The following GPC5 variants were observed in gnomAD, a reference collection of about 807,000 sequenced individuals.
The protein encoded by GPC5 is glypican 5.
A neutral mutation model predicts 53.9 loss-of-function variants in GPC5; 47 were observed. The observed-to-expected ratio is 0.87, with a 90% CI of 0.69 to 1.11. The LOEUF (loss-of-function observed/expected upper bound fraction) is 1.11. Among genes scored for constraint, GPC5 ranks in the 50% most tolerant of loss-of-function variants. The pLI is 0.00. For synonymous variants in GPC5, 286 were observed against 263.3 expected (o/e 1.09, Z -0.84); for missense variants, 748 against 713.1 (o/e 1.05, Z -0.56).
At chr13:91,709,059 T>A (rs1435672043) in intron 3 of GPC5, among the ~76,000 whole-genome samples, 2 of 152,194 alleles carry the variant, frequency 1.3e-5, no homozygotes, top group African/African-American at 4.8e-5. Context: ...AGTAAGAGGA[T>A]AATCTCAAAC....
chr13:92,034,713 T>C (rs1413303792), intron 6 of GPC5, among the ~76,000 whole-genome samples: 1 of 152,148 alleles, frequency 6.6e-6, no homozygotes. Flanking sequence ...GCATATTTTA[T>C]TGATGATGAG....
chr13:91,883,756 G>A (rs1411561286), intron 5 of GPC5, among the ~76,000 whole-genome samples: 6 of 152,086 alleles, frequency 3.9e-5, no homozygotes, highest in Non-Finnish European at 8.8e-5. Flanking sequence ...AACTGGCATG[G>A]GACCATTGAA....
chr13:91,634,458 T>C (rs547864366), intron 2 of GPC5, among the ~76,000 whole-genome samples: 2 of 152,048 alleles, frequency 1.3e-5, no homozygotes, highest in African/African-American at 4.8e-5. Flanking sequence ...ATAATCTTGA[T>C]GTAAGTTGAG....
rs1041714579 is a variant in GPC5, at chr13:91,730,978, C to T, written c.1154+2313C>T. Reference sequence around the variant, plus strand: ...AGAGGCACAAATATGTCTACTAAGACATTTGGGTGATGTGATCCATATTTT... The same window carrying T: ...AGAGGCACAAATATGTCTACTAAGATATTTGGGTGATGTGATCCATATTTT... On this transcript the variant is annotated intron_variant, in intron 4 of 7. Coordinates refer to ENST00000377067, the MANE Select transcript of GPC5 (RefSeq NM_004466.6). Among the ~76,000 whole-genome samples the T allele has an allele frequency of 2.6e-5, 4 of 152,272 alleles. No homozygotes were observed. The East Asian group carries it at 7.7e-4, about 29-fold the overall frequency.
At chr13:92,783,655 T>G (rs897015429) in intron 7 of GPC5, among the ~76,000 whole-genome samples, 1 of 152,154 alleles carries the variant, frequency 6.6e-6, no homozygotes, top group East Asian at 1.9e-4. Context: ...ACAAAGGAGC[T>G]CTAGGCCAAA....
At chr13:92,231,180 G>T (rs2042527278) in intron 7 of GPC5, among the ~76,000 whole-genome samples, 1 of 152,132 alleles carries the variant, frequency 6.6e-6, no homozygotes, top group Non-Finnish European at 1.5e-5. Flanking sequence ...TCAGTATATG[G>T]TAGCTGCCAC....
chr13:92,753,210 AC>A (rs900162285), intron 7 of GPC5, among the ~76,000 whole-genome samples: 22 of 151,978 alleles, frequency 1.4e-4, no homozygotes, highest in African/African-American at 4.6e-4. Context: ...ACTGGGAGGC[AC>A]CCCCCAGCAG....
intron 7 of GPC5, among the ~76,000 whole-genome samples, chr13:92,202,913 A>T (rs182775165): frequency 6.6e-6 from 1 of 152,178 alleles, no homozygotes; most frequent in African/African-American, 2.4e-5. Context: ...CAACTTTTCA[A>T]GAGAACTTAT....
At chr13:91,834,992 A>C (rs1468176139) in intron 5 of GPC5, among the ~76,000 whole-genome samples, 3 of 152,210 alleles carry the variant, frequency 2.0e-5, no homozygotes, top group Admixed American at 6.5e-5. Flanking sequence ...TTTGCAATCT[A>C]TCCATCTGAT....
At chr13:91,430,118 C>CA (rs1879338624) in intron 1 of GPC5, among the ~76,000 whole-genome samples, 1 of 152,046 alleles carries the variant, frequency 6.6e-6, no homozygotes, top group East Asian at 1.9e-4. Flanking sequence ...TTGAACAGCC[C>CA]AGGGCTACCA....
rs147429969 is a variant in GPC5 at position 92,125,678 on chromosome 13, T to C, written c.1402-19152T>C. Among the ~76,000 whole-genome samples, 160 of 152,206 alleles carry C rather than the reference T, an allele frequency of 1.1e-3. 1 individual carries two copies. The highest frequency in any genetic ancestry group is 3.7e-3 in the African/African-American group (153 of 41,526). ...TAGAGTTGTATTATTTAAGCATTGA[T>C]TTAACAATTACTTTCTGAGCATCTG... On this transcript the variant is annotated intron_variant, in intron 6 of 7. Transcript: ENST00000377067.
intron 7 of GPC5, among the ~76,000 whole-genome samples, chr13:92,698,827 G>C (rs1006396763): frequency 5.3e-5 from 8 of 152,090 alleles, no homozygotes; most frequent in Non-Finnish European, 1.2e-4. Context: ...TCCAGCACCT[G>C]TTGTTTCCTG....
chr13:92,684,126 G>A (rs1887185388), intron 7 of GPC5, among the ~76,000 whole-genome samples: 1 of 151,956 alleles, frequency 6.6e-6, no homozygotes, highest in Admixed American at 6.6e-5. Context: ...CTTACTGTCT[G>A]CACAGTTTTG....
chr13:91,754,851 C>T (rs188764300), intron 4 of GPC5, among the ~76,000 whole-genome samples: 327 of 152,124 alleles, frequency 2.1e-3, no homozygotes, highest in South Asian at 3.1e-3. Context: ...GAGAATAAAG[C>T]CTTTGTTGTA....
At chr13:91,734,063 T>TGCTCGC (rs1459429859) in intron 4 of GPC5, among the ~76,000 whole-genome samples, 51 of 151,796 alleles carry the variant, frequency 3.4e-4, no homozygotes, top group African/African-American at 1.1e-3. Context: ...ATTGAAGGCC[T>TGCTCGC]TTTCTGCATC....
intron 2 of GPC5, among the ~76,000 whole-genome samples, chr13:91,624,354 T>C (rs1489367660): frequency 3.3e-5 from 5 of 152,058 alleles, no homozygotes; most frequent in East Asian, 3.9e-4. Context: ...TCAAAGAAAA[T>C]ATAGTATCAC....
intron 2 of GPC5, among the ~76,000 whole-genome samples, chr13:91,479,097 G>A (rs1239058929): frequency 1.3e-5 from 2 of 151,116 alleles, no homozygotes; most frequent in African/African-American, 4.9e-5. Context: ...TATTTTAGTA[G>A]AGATGGGGTT....
At chr13:92,774,256 C>A (rs964071783) in intron 7 of GPC5, among the ~76,000 whole-genome samples, 3 of 152,194 alleles carry the variant, frequency 2.0e-5, no homozygotes, top group African/African-American at 4.8e-5. Context: ...GCAGGTATAG[C>A]CCTGTAGGTC....
At chr13:92,300,550 T>C (rs528542674) in intron 7 of GPC5, among the ~76,000 whole-genome samples, 1 of 152,140 alleles carries the variant, frequency 6.6e-6, no homozygotes, top group Non-Finnish European at 1.5e-5. Flanking sequence ...TATGGATCAG[T>C]CAAGAGAAGT....
Sources: allele counts gnomAD v4.1 joint callset (sites outside exome capture counted in the v4.1 genomes callset), GRCh38; gene constraint gnomAD v4.1.1; transcripts MANE v1.5; gene names NCBI Gene and HGNC (gene_info 2026-07-23, HGNC 2026-07-21).